NCOA3: variants seen among roughly 807,000 people sequenced by gnomAD.
NCOA3 encodes nuclear receptor coactivator 3.
NCOA3 carries 51 observed loss-of-function variants against 158.8 expected under a neutral mutation model. The ratio of observed to expected loss-of-function variants is 0.32; its 90% CI spans 0.26 to 0.41. The LOEUF is 0.41. Among genes scored for constraint, NCOA3 ranks in the 10% least tolerant of loss-of-function variants. The pLI is 1.00. For missense variants in NCOA3, 1,510 were observed against 1,746.6 expected (o/e 0.86, Z 2.41); for synonymous variants, 537 against 592.4 (o/e 0.91, Z 1.36).
intron 1 of NCOA3, among the ~76,000 whole-genome samples, chr20:47,558,232 A>ATTTTTTTTTTT (rs71183263): frequency 9.0e-5 from 5 of 55,526 alleles, no homozygotes; most frequent in African/African-American, 2.6e-4. Context: ...CTAATTTTGT[A>ATTTTTTTTTTT]TTTTTTTTTT....
chr20:47,528,645 G>T (rs2425941), intron 1 of NCOA3, among the ~76,000 whole-genome samples: 70,475 of 151,880 alleles, frequency 0.46, 16,901 homozygotes, highest in Middle Eastern at 0.61. Context: ...CTTGAATTAG[G>T]TTTTGAATGC....
intron 1 of NCOA3, among the ~76,000 whole-genome samples, chr20:47,504,736 G>A (rs1319616702): frequency 6.6e-6 from 1 of 151,160 alleles, no homozygotes; most frequent in African/African-American, 2.4e-5. Flanking sequence ...CCCGGGAGGC[G>A]GAGGTTGCAG....
rs536136828 is a variant in NCOA3, at chr20:47,572,529, GC to G, written c.-98-10646del. Among the ~76,000 whole-genome samples the G allele has an allele frequency of 7.7e-3, 1,154 of 150,260 alleles. 20 individuals carry two copies. The highest frequency in any genetic ancestry group is 0.025 in the African/African-American group (1,040 of 40,924). On this transcript the variant is annotated intron_variant, in intron 1 of 22. Transcript: ENST00000371998. ...TCCTCACTAAGCTTAATCATTTCTA[GC>G]CCCCCCCACCTGCCTTTTTTTTTTA...
intron 2 of NCOA3, among the ~76,000 whole-genome samples, chr20:47,605,839 T>C (rs1319470614): frequency 1.3e-5 from 2 of 152,196 alleles, no homozygotes; most frequent in East Asian, 3.8e-4. Context: ...TGGGATAAGG[T>C]GGTGTTGATT....
chr20:47,526,465 G>A (rs2084451833), intron 1 of NCOA3, among the ~76,000 whole-genome samples: 1 of 152,192 alleles, frequency 6.6e-6, no homozygotes, highest in Non-Finnish European at 1.5e-5. Flanking sequence ...CTCCAGCCTG[G>A]GCACCATTGA....
chr20:47,614,786 A>G (rs2086106105), intron 2 of NCOA3, among the ~76,000 whole-genome samples: 1 of 152,150 alleles, frequency 6.6e-6, no homozygotes, highest in African/African-American at 2.4e-5. Flanking sequence ...GTTTAGTGAC[A>G]TCGGTGGGTA....
chr20:47,591,515 C>T (rs1280889077), intron 2 of NCOA3, among the ~76,000 whole-genome samples: 2 of 152,208 alleles, frequency 1.3e-5, no homozygotes, highest in East Asian at 3.8e-4. Flanking sequence ...ACTCTTCATT[C>T]ATCTTTATAG....
chr20:47,616,430 T>G (rs1281139798), intron 2 of NCOA3, among the ~76,000 whole-genome samples: 2 of 151,930 alleles, frequency 1.3e-5, no homozygotes, highest in Non-Finnish European at 2.9e-5. Context: ...TGACCTCAGG[T>G]GATCCGCCCA....
chr20:47,601,792 A>G (rs533978223), intron 2 of NCOA3, among the ~76,000 whole-genome samples: 5 of 152,328 alleles, frequency 3.3e-5, no homozygotes, highest in African/African-American at 1.2e-4. Context: ...ATGTATAACC[A>G]TTACATGCAG....
intron 17 of NCOA3, among the ~76,000 whole-genome samples, chr20:47,645,269 T>G (rs2086669172): frequency 6.6e-6 from 1 of 152,056 alleles, no homozygotes; most frequent in Non-Finnish European, 1.5e-5. Flanking sequence ...GGTACAGGCC[T>G]TTCGGGAGTC....
chr20:47,578,652 T>A (rs922726552), intron 1 of NCOA3, among the ~76,000 whole-genome samples: 1 of 152,158 alleles, frequency 6.6e-6, no homozygotes, highest in African/African-American at 2.4e-5. Context: ...ACTGCAAAAG[T>A]GTTGGATTTT....
chr20:47,544,627 C>T (rs2084799281), intron 1 of NCOA3, among the ~76,000 whole-genome samples: 1 of 152,004 alleles, frequency 6.6e-6, no homozygotes, highest in Non-Finnish European at 1.5e-5. Context: ...ATTGAAATTA[C>T]CTAGTAACTT....
chr20:47,642,503 C>T, intron 17 of NCOA3, 119 bp downstream of exon 17: 1 of 561,914 alleles, frequency 1.8e-6, no homozygotes, highest in Non-Finnish European at 2.7e-6. Context: ...TGTGTTATAT[C>T]ACTACATTCA....
At chr20:47,600,774 C>T (rs536906199) in intron 2 of NCOA3, among the ~76,000 whole-genome samples, 1 of 147,822 alleles carries the variant, frequency 6.8e-6, no homozygotes, top group African/African-American at 2.5e-5. Flanking sequence ...CCTTGGCCTC[C>T]CAAAGTGTTG....
At chr20:47,618,552 C>A (rs1568730250) in intron 2 of NCOA3, among the ~76,000 whole-genome samples, 1 of 152,038 alleles carries the variant, frequency 6.6e-6, no homozygotes, top group Non-Finnish European at 1.5e-5. Flanking sequence ...TGGAGTTTCT[C>A]CATGTTGGTC....
intron 1 of NCOA3, among the ~76,000 whole-genome samples, chr20:47,562,091 G>A (rs186460373): frequency 6.6e-6 from 1 of 151,966 alleles, no homozygotes; most frequent in East Asian, 1.9e-4. Context: ...TTTATGACTT[G>A]ATAGCGTATT....
chr20:47,583,060 C>G (rs191036182), intron 1 of NCOA3, 123 bp from the exon 2 acceptor site: 4 of 391,490 alleles, frequency 1.0e-5, no homozygotes, highest in African/African-American at 6.2e-5. Flanking sequence ...TCCCAAAGTG[C>G]TGGGATTACA....
intron 1 of NCOA3, among the ~76,000 whole-genome samples, chr20:47,529,538 G>A (rs1489979818): frequency 6.6e-6 from 1 of 152,054 alleles, no homozygotes; most frequent in Non-Finnish European, 1.5e-5. Flanking sequence ...TCAGCCTCCC[G>A]AGTAGCTGGG....
intron 1 of NCOA3, among the ~76,000 whole-genome samples, chr20:47,569,952 G>A (rs2085265233): frequency 6.6e-6 from 1 of 152,106 alleles, no homozygotes; most frequent in Non-Finnish European, 1.5e-5. Flanking sequence ...AGAGGTTGCA[G>A]TGAGCTGAGA....
Sources: gnomAD v4.1 joint callset for allele counts (sites outside exome capture counted in the v4.1 genomes callset) on GRCh38, gnomAD v4.1.1 for gene constraint, MANE v1.5 for transcripts, NCBI Gene and HGNC (gene_info 2026-07-23, HGNC 2026-07-21) for gene names.